PPP1R9A: variants seen among roughly 807,000 people sequenced by gnomAD.
The protein encoded by PPP1R9A is protein phosphatase 1 regulatory subunit 9A, also known as neurabin-1.
Under a neutral mutation model 141.9 loss-of-function variants are expected in PPP1R9A, and 59 were observed. The observed-to-expected ratio is 0.42, with a 90% CI of 0.34 to 0.52. The LOEUF is 0.52. Ranked by LOEUF, PPP1R9A falls within the 20% of genes least tolerant of loss-of-function variation. The pLI, the probability that PPP1R9A is intolerant of heterozygous loss-of-function variation, is 0.10. For missense variants in PPP1R9A, 1,444 were observed against 1,611.9 expected (o/e 0.90, Z 1.78); for synonymous variants, 500 against 569.7 (o/e 0.88, Z 1.74).
At chr7:95,232,937 C>T (rs957958725) in intron 8 of PPP1R9A, among the ~76,000 whole-genome samples, 9 of 152,078 alleles carry the variant, frequency 5.9e-5, no homozygotes, top group South Asian at 4.1e-4. Context: ...TAAATTAGTT[C>T]GACCATTGTG....
intron 10 of PPP1R9A, among the ~76,000 whole-genome samples, chr7:95,250,999 G>A (rs564530738): frequency 7.9e-5 from 12 of 152,174 alleles, no homozygotes; most frequent in African/African-American, 2.9e-4. Context: ...TCCATGCCAA[G>A]CCTCAGAAGC....
At chr7:95,213,217 T>C (rs549041428) in intron 7 of PPP1R9A, among the ~76,000 whole-genome samples, 89 of 152,154 alleles carry the variant, frequency 5.8e-4, no homozygotes, top group Admixed American at 1.5e-3. Flanking sequence ...TATGTCCCTT[T>C]AGGCAGTGAC....
intron 5 of PPP1R9A, among the ~76,000 whole-genome samples, chr7:95,171,652 A>G (rs900317859): frequency 1.3e-5 from 2 of 151,656 alleles, no homozygotes; most frequent in African/African-American, 4.8e-5. Context: ...TCAAGAAAAA[A>G]TTGTTTATGT....
chr7:95,265,706 TA>T (rs770727136), intron 12 of PPP1R9A, among the ~76,000 whole-genome samples: 2 of 152,196 alleles, frequency 1.3e-5, no homozygotes, highest in Admixed American at 6.6e-5. Flanking sequence ...CTGGTTCTTT[TA>T]AAAAATTATT....
intron 5 of PPP1R9A, among the ~76,000 whole-genome samples, chr7:95,162,935 G>A (rs1830653157): frequency 6.6e-6 from 1 of 152,122 alleles, no homozygotes; most frequent in Admixed American, 6.5e-5. Flanking sequence ...CTATGTTGAT[G>A]TTTCTAGAAT....
At chr7:95,218,223 G>T (rs183023324) in intron 7 of PPP1R9A, among the ~76,000 whole-genome samples, 1 of 151,982 alleles carries the variant, frequency 6.6e-6, no homozygotes, top group African/African-American at 2.4e-5. Context: ...ACTTCCTTAC[G>T]TACCCAGTAG....
At chr7:95,224,912 A>G (rs1794937538) in intron 7 of PPP1R9A, among the ~76,000 whole-genome samples, 1 of 151,884 alleles carries the variant, frequency 6.6e-6, no homozygotes, top group South Asian at 2.1e-4. Context: ...ACCTGAAGGA[A>G]CAGGGATGAG....
At chr7:95,278,483 T>G (rs549355848) in intron 16 of PPP1R9A, among the ~76,000 whole-genome samples, 1 of 152,330 alleles carries the variant, frequency 6.6e-6, no homozygotes, top group South Asian at 2.1e-4. Flanking sequence ...ACAATGTGGT[T>G]CATTTATATT....
At chr7:95,240,936 A>G (rs1443605815) in intron 8 of PPP1R9A, among the ~76,000 whole-genome samples, 4 of 28,320 alleles carry the variant, frequency 1.4e-4, no homozygotes, top group Non-Finnish European at 2.4e-4. Flanking sequence ...AAATGAAACA[A>G]AAATCTTTTA....
At chr7:95,141,218 T>G (rs1826615934) in intron 4 of PPP1R9A, among the ~76,000 whole-genome samples, 1 of 152,124 alleles carries the variant, frequency 6.6e-6, no homozygotes, top group Admixed American at 6.6e-5. Context: ...CAGAATTAGG[T>G]GAAGACCCAG....
chr7:95,181,401 T>C (rs1563370050), intron 5 of PPP1R9A, among the ~76,000 whole-genome samples: 1 of 136,568 alleles, frequency 7.3e-6, no homozygotes, highest in South Asian at 2.3e-4. Context: ...AGAATATATA[T>C]ATTCCATCAT....
intron 2 of PPP1R9A, among the ~76,000 whole-genome samples, chr7:95,065,219 C>G (rs545441163): frequency 6.6e-6 from 1 of 152,218 alleles, no homozygotes. Flanking sequence ...GTGTGCACCA[C>G]CACACCTGGT....
At chr7:95,110,531 T>G (rs1262579140) in intron 2 of PPP1R9A, among the ~76,000 whole-genome samples, 2 of 152,188 alleles carry the variant, frequency 1.3e-5, no homozygotes, top group Admixed American at 1.3e-4. Context: ...GACAACTACT[T>G]CAGTTCCTTT....
At chr7:94,984,685 T>C (rs373081669) in intron 2 of PPP1R9A, among the ~76,000 whole-genome samples, 2 of 152,206 alleles carry the variant, frequency 1.3e-5, no homozygotes, top group South Asian at 4.1e-4. Context: ...ATATCCCCTT[T>C]ATCATTTTTT....
chr7:95,205,147 G>A (rs1790514799), intron 7 of PPP1R9A, among the ~76,000 whole-genome samples: 1 of 152,074 alleles, frequency 6.6e-6, no homozygotes. Flanking sequence ...CAGAAAGATG[G>A]GTAAAGGGGA....
chr7:94,988,704 T>A (rs562761532), intron 2 of PPP1R9A, among the ~76,000 whole-genome samples: 1 of 152,082 alleles, frequency 6.6e-6, no homozygotes, highest in African/African-American at 2.4e-5. Flanking sequence ...TCAAAATATA[T>A]GTTGAGAGTA....
chr7:95,169,594 G>A (rs898181204), intron 5 of PPP1R9A, among the ~76,000 whole-genome samples: 23 of 151,890 alleles, frequency 1.5e-4, no homozygotes, highest in African/African-American at 5.3e-4. Context: ...CAGATACCCT[G>A]ATTTGGTCAT....
chr7:94,930,741 C>T (rs1446428607), intron 2 of PPP1R9A, among the ~76,000 whole-genome samples: 1 of 152,094 alleles, frequency 6.6e-6, no homozygotes, highest in African/African-American at 2.4e-5. Context: ...GAGTACTGCA[C>T]ATCAGGAAGG....
chr7:95,208,214 T>C (rs1198426822), intron 7 of PPP1R9A, among the ~76,000 whole-genome samples: 1 of 152,286 alleles, frequency 6.6e-6, no homozygotes, highest in East Asian at 1.9e-4. Flanking sequence ...AACAGCACTG[T>C]AGATATACAG....
Sources: allele counts gnomAD v4.1 joint callset (sites outside exome capture counted in the v4.1 genomes callset), GRCh38; gene constraint gnomAD v4.1.1; transcripts MANE v1.5; gene names NCBI Gene and HGNC (gene_info 2026-07-23, HGNC 2026-07-21).